TMEM132C: variants seen among roughly 807,000 people sequenced by gnomAD.
The protein encoded by TMEM132C is transmembrane protein 132C, also known as protein phosphatase 1, regulatory subunit 152.
TMEM132C carries 29 observed loss-of-function variants against 61.4 expected under a neutral mutation model. That is an observed-to-expected ratio of 0.47 (90% confidence interval 0.35 to 0.64). The LOEUF is 0.64. Ranked by LOEUF, TMEM132C falls within the 30% of genes least tolerant of loss-of-function variation. The pLI, the probability that TMEM132C is intolerant of heterozygous loss-of-function variation, is 0.00. For synonymous variants in TMEM132C, 656 were observed against 633.1 expected (o/e 1.04, Z -0.54); for missense variants, 1,408 against 1,476.9 (o/e 0.95, Z 0.76).
intron 3 of TMEM132C, among the ~76,000 whole-genome samples, chr12:128,588,296 G>A (rs1490748051): frequency 6.6e-6 from 1 of 152,144 alleles, no homozygotes; most frequent in African/African-American, 2.4e-5. Context: ...GTTAGGTGTG[G>A]TGGCATGTGC....
chr12:128,662,169 C>T (rs1228136992), intron 4 of TMEM132C, among the ~76,000 whole-genome samples: 1 of 152,154 alleles, frequency 6.6e-6, no homozygotes, highest in African/African-American at 2.4e-5. Context: ...ATGTGCTTGA[C>T]TTGTTTTTAT....
chr12:128,583,838 C>T (rs1465028054), intron 3 of TMEM132C, among the ~76,000 whole-genome samples: 5 of 152,220 alleles, frequency 3.3e-5, no homozygotes, highest in Non-Finnish European at 7.3e-5. Context: ...AGCATTCAAA[C>T]GTCTTCATCC....
intron 1 of TMEM132C, among the ~76,000 whole-genome samples, chr12:128,296,367 G>A (rs1276094515): frequency 6.6e-6 from 1 of 152,176 alleles, no homozygotes. Context: ...TCCCCTTAAT[G>A]ATCAAAGTCT....
intron 2 of TMEM132C, among the ~76,000 whole-genome samples, chr12:128,423,167 C>T (rs760539534): frequency 4.6e-5 from 7 of 152,196 alleles, no homozygotes; most frequent in Non-Finnish European, 1.0e-4. Context: ...AGATGCCAAG[C>T]GTGCAGTCTT....
intron 2 of TMEM132C, among the ~76,000 whole-genome samples, chr12:128,526,742 G>T (rs889708177): frequency 5.3e-5 from 8 of 152,172 alleles, no homozygotes; most frequent in Admixed American, 2.0e-4. Context: ...AGAAGGAGAA[G>T]AGTGAAGACA....
chr12:128,510,287 A>G (rs1225846705), intron 2 of TMEM132C, among the ~76,000 whole-genome samples: 2 of 152,214 alleles, frequency 1.3e-5, no homozygotes, highest in Non-Finnish European at 2.9e-5. Context: ...CAACCACCCT[A>G]TAAAACATTT....
chr12:128,324,864 G>A (rs1383384258), intron 1 of TMEM132C, among the ~76,000 whole-genome samples: 1 of 152,132 alleles, frequency 6.6e-6, no homozygotes, highest in African/African-American at 2.4e-5. Flanking sequence ...AGCATTTTCT[G>A]ACTTCAGAAC....
chr12:128,590,025 T>C (rs11833573), intron 3 of TMEM132C, among the ~76,000 whole-genome samples: 18,904 of 152,200 alleles, frequency 0.12, 3,934 homozygotes, highest in African/African-American at 0.43. Context: ...AGGTTGTTCA[T>C]TGAATGAACC....
intron 2 of TMEM132C, among the ~76,000 whole-genome samples, chr12:128,473,333 G>GCCAGCCTCCTTCTTCATCTGCAT (rs1871026150): frequency 4.1e-4 from 1 of 2,430 alleles, no homozygotes; most frequent in Non-Finnish European, 9.4e-4. Context: ...TTCATCTTCA[G>GCCAGCCTCCTTCTTCATCTGCAT]TCCAGCCTCC....
intron 3 of TMEM132C, among the ~76,000 whole-genome samples, chr12:128,592,932 C>T (rs1875807723): frequency 6.6e-6 from 1 of 152,226 alleles, no homozygotes; most frequent in Non-Finnish European, 1.5e-5. Context: ...GTGGGGTTCC[C>T]TGAAGCCACA....
intron 2 of TMEM132C, among the ~76,000 whole-genome samples, chr12:128,516,050 TC>T (rs1872707488): frequency 6.6e-6 from 1 of 152,068 alleles, no homozygotes; most frequent in Admixed American, 6.5e-5. Context: ...GAGTGGTGTT[TC>T]CATTCAGAAG....
rs547354545 is a variant in TMEM132C, at chr12:128,671,018, G to A, written c.1449+1458G>A. Among the ~76,000 whole-genome samples, 70 of 152,254 alleles carry A rather than the reference G, an allele frequency of 4.6e-4. 1 individual carries two copies. The highest frequency in any genetic ancestry group is 1.3e-3 in the African/African-American group (56 of 41,528). On this transcript the variant is annotated intron_variant, in intron 5 of 8. Transcript: ENST00000435159. ...AATACATTTGTGCTGTGGGTTGGCC[G>A]ATGGGGTAACTGTTTAAAAGCACCC... is the stretch of plus-strand genomic sequence containing the variant.
chr12:128,667,144 C>T (rs1232773690), intron 4 of TMEM132C, among the ~76,000 whole-genome samples: 2 of 151,966 alleles, frequency 1.3e-5, no homozygotes, highest in Middle Eastern at 3.2e-3. Flanking sequence ...CATATATGTC[C>T]AACCCATCTT....
chr12:128,396,720 G>A (rs1344919626), intron 1 of TMEM132C, among the ~76,000 whole-genome samples: 1 of 152,164 alleles, frequency 6.6e-6, no homozygotes, highest in African/African-American at 2.4e-5. Flanking sequence ...GGGAACAGAG[G>A]CACAGACAGG....
Position 128,267,282 on chromosome 12 carries a change from G to C in TMEM132C, c.-121G>C, listed in dbSNP as rs984072654. 2 of 523,694 alleles carry C rather than the reference G, an allele frequency of 3.8e-6. No individual in the cohort carries two copies. The highest frequency in any genetic ancestry group is 4.9e-6 in the Non-Finnish European group (2 of 409,636). The allele number at this position is 523,694 out of a possible 1,614,324, so 32.4% of individuals were successfully genotyped here. On this transcript the variant is annotated 5_prime_UTR_variant, in exon 1 of 9. Transcript: ENST00000435159. The stretch of plus-strand genomic sequence containing the variant: ...GGGGCGGGCCTCGGACAGCAGAGAC[G>C]CAGCGGGCCCGGCCGACCGGGCTGC...
chr12:128,358,140 G>A (rs929327423), intron 1 of TMEM132C, among the ~76,000 whole-genome samples: 2 of 152,138 alleles, frequency 1.3e-5, no homozygotes, highest in African/African-American at 2.4e-5. Flanking sequence ...GAGAGGCCCA[G>A]GGTGGAACAG....
intron 1 of TMEM132C, among the ~76,000 whole-genome samples, chr12:128,365,289 A>G (rs760303011): frequency 1.3e-5 from 2 of 152,198 alleles, no homozygotes; most frequent in South Asian, 2.1e-4. Flanking sequence ...TTGTAAACCA[A>G]TGAAACACAT....
In TMEM132C at chr12:128,703,940, C is replaced by T. The variant is rs545740588; in HGVS notation, c.2122-1150C>T. On this transcript the variant is annotated intron_variant, in intron 8 of 8. Transcript: ENST00000435159. ...TCATGGGAGTTCCCACTCTTGGAAG[C>T]AGAATAGAAGTACCCATGGCTAAGT... is the stretch of plus-strand genomic sequence containing the variant. Among the ~76,000 whole-genome samples, 40 of 152,250 alleles carry T rather than the reference C, an allele frequency of 2.6e-4. 1 individual carries two copies. In the South Asian group the frequency reaches 3.3e-3, roughly 13 times the overall value.
chr12:128,532,085 TA>T (rs1335121751), intron 2 of TMEM132C, among the ~76,000 whole-genome samples: 3 of 152,322 alleles, frequency 2.0e-5, no homozygotes, highest in Non-Finnish European at 4.4e-5. Flanking sequence ...AGGAAAAGTG[TA>T]TTTTAAATTG....
Sources: gnomAD v4.1 joint callset for allele counts (sites outside exome capture counted in the v4.1 genomes callset) on GRCh38, gnomAD v4.1.1 for gene constraint, MANE v1.5 for transcripts, NCBI Gene and HGNC (gene_info 2026-07-23, HGNC 2026-07-21) for gene names.